Variants in AK9 observed in about 807,000 individuals in gnomAD.
The protein encoded by AK9 is adenylate kinase 9, also known as adenylate kinase domain containing 1.
Under a neutral mutation model 239.6 loss-of-function variants are expected in AK9, and 191 were observed. The observed-to-expected ratio is 0.80, with a 90% CI of 0.71 to 0.90. AK9 has a LOEUF of 0.90. Among genes scored for constraint, AK9 ranks in the 40% least tolerant of loss-of-function variants. AK9 has a pLI of 0.00. For missense variants in AK9, 1,995 were observed against 2,214.7 expected (o/e 0.90, Z 1.99); for synonymous variants, 689 against 721.0 (o/e 0.96, Z 0.71).
chr6:109,575,085 C>A (rs1336916126), intron 20 of AK9, among the ~76,000 whole-genome samples: 1 of 152,204 alleles, frequency 6.6e-6, no homozygotes, highest in East Asian at 1.9e-4. Context: ...ATATATATAT[C>A]ACATGTTCTT....
intron 27 of AK9, among the ~76,000 whole-genome samples, chr6:109,540,069 CAGT>C (rs1782652276): frequency 6.6e-6 from 1 of 152,132 alleles, no homozygotes; most frequent in African/African-American, 2.4e-5. Context: ...CTTGAGGAGG[CAGT>C]CTGTCTGTTC....
At chr6:109,626,926 C>G (rs545112888) in intron 12 of AK9, among the ~76,000 whole-genome samples, 1 of 152,194 alleles carries the variant, frequency 6.6e-6, no homozygotes, top group East Asian at 1.9e-4. Flanking sequence ...TTAGGCTACA[C>G]TAAATTTATT....
At chr6:109,536,020 A>T (rs1323062869) in intron 27 of AK9, among the ~76,000 whole-genome samples, 1 of 152,160 alleles carries the variant, frequency 6.6e-6, no homozygotes, top group Non-Finnish European at 1.5e-5. Flanking sequence ...CTTGTAGTAT[A>T]GTTTGAAGTC....
intron 17 of AK9, among the ~76,000 whole-genome samples, chr6:109,598,989 G>T (rs1000200590): frequency 4.6e-5 from 7 of 151,180 alleles, no homozygotes; most frequent in African/African-American, 1.5e-4. Context: ...TTGTCAGATG[G>T]GTAGATTGCA....
intron 24 of AK9, among the ~76,000 whole-genome samples, chr6:109,555,875 T>A (rs977933723): frequency 1.3e-5 from 2 of 152,178 alleles, no homozygotes; most frequent in Admixed American, 1.3e-4. Flanking sequence ...TTTTCTTCCA[T>A]CCCTTTATTT....
At chr6:109,551,321 C>A (rs954485292) in intron 24 of AK9, among the ~76,000 whole-genome samples, 11 of 152,016 alleles carry the variant, frequency 7.2e-5, no homozygotes, top group Non-Finnish European at 1.5e-4. Context: ...GAGTTTGAGA[C>A]CAGCCTGGCC....
At chr6:109,674,136 C>T in intron 3 of AK9, 62 bp downstream of exon 3, 2 of 1,351,374 alleles carry the variant, frequency 1.5e-6, no homozygotes, top group Non-Finnish European at 2.0e-6. Context: ...ATAATTATCT[C>T]CATTTTATGA....
intron 31 of AK9, among the ~76,000 whole-genome samples, 186 bp downstream of exon 31, chr6:109,515,671 T>C (rs986838625): frequency 1.3e-5 from 2 of 152,104 alleles, no homozygotes; most frequent in African/African-American, 2.4e-5. Flanking sequence ...ACACAGTTGG[T>C]GATAAAAGAA....
At chr6:109,604,015 C>T (rs917819372) in intron 17 of AK9, among the ~76,000 whole-genome samples, 1 of 152,210 alleles carries the variant, frequency 6.6e-6, no homozygotes, top group African/African-American at 2.4e-5. Flanking sequence ...ACCCCTTTTG[C>T]TTCCCAGGTG....
intron 1 of AK9, among the ~76,000 whole-genome samples, chr6:109,684,109 T>G (rs1773088067): frequency 1.3e-5 from 2 of 152,122 alleles, no homozygotes; most frequent in Admixed American, 1.3e-4. Context: ...TCTACAACCA[T>G]CTGATCTTTG....
intron 36 of AK9, 117 bp from the exon 37 acceptor site, chr6:109,498,082 C>A: frequency 1.2e-5 from 11 of 921,378 alleles, no homozygotes; most frequent in Non-Finnish European, 1.8e-5. Flanking sequence ...TTCTGCTGCT[C>A]CTCAAACTGT....
rs755875025 is a variant in AK9, at chr6:109,609,259, A to G, written c.1842+1106T>C. Among the ~76,000 whole-genome samples, 44 of 152,182 alleles carry G rather than the reference A, an allele frequency of 2.9e-4. 1 individual carries two copies. Among genetic ancestry groups the G allele is most frequent in the Non-Finnish European group, 5.1e-4 (35 of 68,028 alleles). ...AGACCCAAACATGTCCCTCACTTGC[A>G]GATCTCCTCTGGGATGATTTCTCTT... On this transcript the variant is annotated intron_variant, in intron 17 of 40. Coordinates refer to ENST00000424296, the MANE Select transcript of AK9 (RefSeq NM_001145128.3).
rs903502475 is a variant in AK9 at position 109,497,553 on chromosome 6, G to A, written c.5227C>T (p.Leu1743=). The A allele has an allele frequency of 8.8e-6, 14 of 1,599,070 alleles. No individual in the cohort carries two copies. The highest frequency in any genetic ancestry group is 6.8e-6 in the Non-Finnish European group (8 of 1,168,626). The change falls in exon 38 of 41, where the codon CTA becomes TTA. Residue 1743 remains leucine, a synonymous_variant. Coordinates refer to ENST00000424296, the MANE Select transcript of AK9 (RefSeq NM_001145128.3). ...YKDGNQRYEA[L]VPGSINYALE... is the part of the protein sequence containing the mutation. Reference sequence around the variant, plus strand: ...GCATAGTTAATGCTACCAGGTACTAGAGCTTCATATCTGGAAGACCAAAAA... The same window carrying A: ...GCATAGTTAATGCTACCAGGTACTAAAGCTTCATATCTGGAAGACCAAAAA...
At chr6:109,628,466 T>C (rs1026730363) in intron 12 of AK9, among the ~76,000 whole-genome samples, 30 of 152,180 alleles carry the variant, frequency 2.0e-4, no homozygotes, top group African/African-American at 7.0e-4. Context: ...ATGCAGACAA[T>C]TGAGGTAACC....
chr6:109,672,184 A>G lies in AK9; in HGVS notation c.182-17T>C, dbSNP rs1771018176. 6.2e-7 allele frequency: 1 copy of G among 1,600,212 alleles called. No homozygotes were observed. The highest frequency in any genetic ancestry group is 1.7e-5 in the Admixed American group (1 of 59,144). ...TTGGCAAAGCTAAAACATGAATTCA[A>G]AATATTAATACAGACTGATATTAAG... On this transcript the variant is annotated splice_polypyrimidine_tract_variant and intron_variant, in intron 3 of 40. Coordinates refer to ENST00000424296, the MANE Select transcript of AK9 (RefSeq NM_001145128.3).
intron 5 of AK9, 97 bp downstream of exon 5, chr6:109,671,822 C>G: frequency 9.6e-7 from 1 of 1,037,004 alleles, no homozygotes; most frequent in Non-Finnish European, 1.4e-6. Flanking sequence ...TATGCTAAGG[C>G]AAAAGAAAGG....
In AK9 at chr6:109,585,230, A is replaced by G; in HGVS notation, c.2007T>C (p.Cys669=). The change falls in exon 19 of 41, where the codon TGT becomes TGC. Residue 669 remains cysteine (C), a synonymous_variant. Transcript: ENST00000424296. ...YLSDTENNGK[C]LFNRIYLQKK... is the part of the protein sequence containing the mutation. ...TCTGTAAATATATTCTATTAAATAA[A>G]CATTTTCCTGAAATACAGATAAGGA... 1 of 869,040 alleles carries G rather than the reference A, an allele frequency of 1.2e-6. No individual in the cohort carries two copies. The highest frequency in any genetic ancestry group is 1.5e-6 in the Non-Finnish European group (1 of 659,414). 53.8% of individuals were successfully genotyped at this position (869,040 alleles called of 1,614,324 possible).
chr6:109,532,885 T>C (rs774587967), intron 28 of AK9, among the ~76,000 whole-genome samples: 2 of 152,194 alleles, frequency 1.3e-5, no homozygotes, highest in Admixed American at 6.6e-5. Context: ...TAGGCTCACA[T>C]GTCTTTGATG....
At chr6:109,669,238 T>C (rs912397974) in intron 5 of AK9, among the ~76,000 whole-genome samples, 2 of 152,178 alleles carry the variant, frequency 1.3e-5, no homozygotes, top group African/African-American at 4.8e-5. Flanking sequence ...ACATTGATTT[T>C]GTATCCTGAG....
Sources: gnomAD v4.1 joint callset for allele counts (sites outside exome capture counted in the v4.1 genomes callset) on GRCh38, gnomAD v4.1.1 for gene constraint, MANE v1.5 for transcripts, NCBI Gene and HGNC (gene_info 2026-07-23, HGNC 2026-07-21) for gene names.